Variants in KIF14 observed in about 807,000 individuals in gnomAD.
KIF14 encodes the protein kinesin-like protein KIF14.
KIF14 carries 98 observed loss-of-function variants against 176.2 expected under a neutral mutation model. That is an observed-to-expected ratio of 0.56 (90% CI 0.47 to 0.66). The LOEUF is 0.66. Among genes scored for constraint, KIF14 ranks in the 30% least tolerant of loss-of-function variants. KIF14 has a pLI of 0.00. For missense variants in KIF14, 1,751 were observed against 1,920.4 expected, an observed-to-expected ratio of 0.91 and a Z score of 1.65; for synonymous variants, 566 against 632.2, an observed-to-expected ratio of 0.90 and a Z score of 1.57.
intron 23 of KIF14, among the ~76,000 whole-genome samples, chr1:200,569,272 T>C (rs1445549927): frequency 6.6e-6 from 1 of 152,160 alleles, no homozygotes; most frequent in Non-Finnish European, 1.5e-5. Flanking sequence ...TAGTTACACA[T>C]ATAAAATTTA....
rs373405829 is a variant in KIF14, at chr1:200,601,960, G to A, written c.2088C>T (p.Asn696=). 2 of 1,613,540 alleles carry A rather than the reference G, an allele frequency of 1.2e-6. No homozygotes were observed. Among genetic ancestry groups the A allele is most frequent in the Non-Finnish European group, 1.7e-6 (2 of 1,179,726 alleles). ...CAATGTTGACTATTAAACGGGCTTG[G>A]TTAGCATATCTAAGTGTGCTTAATG... is the stretch of plus-strand genomic sequence containing the variant. ...EETLSTLRYA[N]QARLIVNIAK... is the part of the protein sequence containing the mutation. Residue 696 remains asparagine (N), a synonymous_variant, in exon 11 of 30, where the codon AAC becomes AAT. Transcript: ENST00000367350.
rs1247342500 is a variant in KIF14, at chr1:200,593,733, G to A, written c.2586C>T (p.Ile862=). Residue 862 remains isoleucine, a synonymous_variant, in exon 15 of 30, where the codon ATC becomes ATT. Transcript: ENST00000367350. ...CATATGTCTTTGCTTCCCCAACTGG[G>A]ATAATACTCACTGTCCCACCAAAAT... is the stretch of plus-strand genomic sequence containing the variant. ...IKNFGGTVSI[I]PVGEAKTYVN... is the part of the protein sequence containing the mutation. 1.4e-5 allele frequency: 23 copies of A among 1,612,542 alleles called. No homozygotes were observed. The highest frequency in any genetic ancestry group is 2.2e-5 in the South Asian group (2 of 91,056).
At position 200,572,644 on chromosome 1, in the gene KIF14, C is replaced by T. The variant is rs147077863; in HGVS notation, c.3567-2639G>A. On this transcript the variant is annotated intron_variant, in intron 22 of 29. Transcript: ENST00000367350. ...AAGCATGAGCCACTGCACCCAGCCC[C>T]GGTAGGCTAAACGTTTAATGCTCAT... 5.1e-3 allele frequency among the ~76,000 whole-genome samples: 770 copies of T among 152,186 alleles called. 11 individuals are homozygous for T. The highest frequency in any genetic ancestry group is 0.018 in the African/African-American group (749 of 41,534).
rs995551103 is a variant in KIF14, at chr1:200,618,792, A to G, written c.-69T>C. On this transcript the variant is annotated 5_prime_UTR_variant, in exon 2 of 30. Transcript: ENST00000367350. Reference sequence around the variant, plus strand: ...AAGCTCTTCTTTGGACATTCATTTGATTTCCAGCCATTTCTTATGTATCCA... The same window carrying G: ...AAGCTCTTCTTTGGACATTCATTTGGTTTCCAGCCATTTCTTATGTATCCA... 4.3e-5 allele frequency: 53 copies of G among 1,243,740 alleles called. No homozygotes were observed. The highest frequency in any genetic ancestry group is 5.8e-5 in the Non-Finnish European group (52 of 902,872). 77.0% of individuals were successfully genotyped at this position (1,243,740 alleles called of 1,614,324 possible).
intron 19 of KIF14, among the ~76,000 whole-genome samples, chr1:200,583,867 G>A (rs1246116902): frequency 6.6e-6 from 1 of 151,850 alleles, no homozygotes; most frequent in African/African-American, 2.4e-5. Context: ...GCTTGAGCCT[G>A]GGAGGCAGAG....
At position 200,590,135 on chromosome 1, in the gene KIF14, T is replaced by TC; in HGVS notation, c.2950dup (p.Glu984GlyfsTer18). The TC allele has an allele frequency of 6.2e-7, 1 of 1,607,938 alleles. No individual in the cohort carries two copies. Among genetic ancestry groups the TC allele is most frequent in the Non-Finnish European group, 8.5e-7 (1 of 1,178,858 alleles). On this transcript the variant is annotated frameshift_variant, in exon 17 of 30. Transcript: ENST00000367350. LOFTEE classifies it high-confidence loss of function. ...AATTCTGCCTTTTACCAGTTCTGCT[T>TC]CCAGTGCTTTTATTTTGCTTTCATA...
intron 8 of KIF14, among the ~76,000 whole-genome samples, chr1:200,604,841 C>A (rs890129855): frequency 1.3e-5 from 2 of 151,888 alleles, no homozygotes; most frequent in African/African-American, 2.4e-5. Flanking sequence ...TTTAAAAAAT[C>A]TTTTACTTTC....
At chr1:200,609,823 C>T (rs1170442664) in intron 4 of KIF14, among the ~76,000 whole-genome samples, 3 of 152,144 alleles carry the variant, frequency 2.0e-5, no homozygotes, top group Non-Finnish European at 4.4e-5. Context: ...AATGGATAAA[C>T]AAAACTGGCA....
intron 24 of KIF14, 59 bp from the exon 25 acceptor site, chr1:200,565,312 T>G (rs1657387377): frequency 6.7e-7 from 1 of 1,493,786 alleles, no homozygotes; most frequent in South Asian, 1.3e-5. Context: ...AGAACTCATA[T>G]ATGATCATCA....
chr1:200,618,272 G>A lies in KIF14; in HGVS notation c.452C>T (p.Thr151Ile). 1 of 1,613,652 alleles carries A rather than the reference G, an allele frequency of 6.2e-7. No homozygotes were observed. Among genetic ancestry groups the A allele is most frequent in the Non-Finnish European group, 8.5e-7 (1 of 1,179,982 alleles). ...TTCCTTAGAAACACCATTATTTTCT[G>A]TTTCACCTCCCACATTCAGTGTCAT... ...VKMTLNVGGE[T>I]ENNGVSKESR... The change falls in exon 2 of 30, where the codon ACA (threonine) becomes ATA (isoleucine). Residue 151 changes from threonine to isoleucine, a missense_variant. By Grantham distance (89) the Thr-to-Ile change is moderately conservative (BLOSUM62 -1). Transcript: ENST00000367350.
intron 3 of KIF14, 105 bp downstream of exon 3, chr1:200,615,250 G>T: frequency 8.2e-7 from 1 of 1,220,042 alleles, no homozygotes; most frequent in Non-Finnish European, 1.1e-6. Context: ...TTTGGGCCAA[G>T]ATCTGTGTGA....
chr1:200,553,513 A>ATTG lies in KIF14; in HGVS notation c.4819_4821dup (p.Gln1607dup). On this transcript the variant is annotated inframe_insertion, in exon 30 of 30. Transcript: ENST00000367350. ...CTGCCGTCAATCCCGCTTGATTTAG[A>ATTG]TTGTTGGTGTTCTTCTTTGGTATTT... 8 of 1,613,916 alleles carry ATTG rather than the reference A, an allele frequency of 5.0e-6. No homozygotes were observed. Among genetic ancestry groups the ATTG allele is most frequent in the Non-Finnish European group, 6.8e-6 (8 of 1,179,996 alleles).
Position 200,605,890 on chromosome 1 carries a change from T to C in KIF14, c.1612A>G (p.Ile538Val), listed in dbSNP as rs1659856683. 8 of 1,529,878 alleles carry C rather than the reference T, an allele frequency of 5.2e-6. No homozygotes were observed. Among genetic ancestry groups the C allele is most frequent in the Non-Finnish European group, 7.1e-6 (8 of 1,134,402 alleles). 94.8% of individuals were successfully genotyped at this position (1,529,878 alleles called of 1,614,324 possible). The change falls in exon 7 of 30, where the codon ATT (isoleucine) becomes GTT (valine). Residue 538 changes from isoleucine to valine, a missense_variant. Transcript: ENST00000367350. ...GPYVEALSMN[I>V]VSSYADIQSW... ...TGGATATCAGCGTAAGAACTGACAATGTTCCTATTTTTAAGAAGTGAAAAG... is the reference window on the plus strand; with the variant it reads ...TGGATATCAGCGTAAGAACTGACAACGTTCCTATTTTTAAGAAGTGAAAAG...
chr1:200,553,276 T>G lies in KIF14; in HGVS notation c.*112A>C. ...TTTTAAAGATAAAAAGACATGGACT[T>G]TTTTGAAATATCTGTGCTGATTTCT... On this transcript the variant is annotated 3_prime_UTR_variant, in exon 30 of 30. Coordinates refer to ENST00000367350, the MANE Select transcript of KIF14 (RefSeq NM_014875.3). The G allele has an allele frequency of 7.8e-6, 9 of 1,159,630 alleles. No individual in the cohort carries two copies. Among genetic ancestry groups the G allele is most frequent in the Non-Finnish European group, 1.1e-5 (9 of 835,346 alleles). 71.8% of individuals were successfully genotyped at this position (1,159,630 alleles called of 1,614,324 possible). A position where few individuals can be genotyped will look rare whatever the true frequency, so the allele number is the denominator to read the frequency against.
At chr1:200,600,626 T>C in intron 11 of KIF14, 123 bp from the exon 12 acceptor site, 1 of 680,974 alleles carries the variant, frequency 1.5e-6, no homozygotes, top group Non-Finnish European at 2.4e-6. Flanking sequence ...CTAAATAAAA[T>C]AGAATATTGG....
intron 19 of KIF14, among the ~76,000 whole-genome samples, chr1:200,584,051 G>A (rs1180145339): frequency 6.6e-6 from 1 of 151,852 alleles, no homozygotes; most frequent in Non-Finnish European, 1.5e-5. Flanking sequence ...AGACCATCCT[G>A]GCCAACATGG....
Position 200,575,673 on chromosome 1 carries a change from C to T in KIF14, c.3484G>A (p.Gly1162Ser), listed in dbSNP as rs755102888. The change falls in exon 22 of 30, where the codon GGT becomes AGT. Residue 1162 changes from glycine to serine, a missense_variant. Coordinates refer to ENST00000367350, the MANE Select transcript of KIF14 (RefSeq NM_014875.3). Reference protein sequence around the residue: ...ELYESNGSNRGEDAFCDPEDE... With the variant: ...ELYESNGSNRSEDAFCDPEDE... ...TCAGGATCACAAAAGGCATCTTCACCCCTGTTACTACCATTACTCTAAGAA... is the reference window on the plus strand; with the variant it reads ...TCAGGATCACAAAAGGCATCTTCACTCCTGTTACTACCATTACTCTAAGAA... 3.8e-6 allele frequency: 6 copies of T among 1,579,876 alleles called. No individual in the cohort carries two copies. In the South Asian group the frequency reaches 5.8e-5, roughly 15 times the overall value.
At chr1:200,591,886 C>T (rs993228567) in intron 16 of KIF14, among the ~76,000 whole-genome samples, 194 bp downstream of exon 16, 1 of 152,130 alleles carries the variant, frequency 6.6e-6, no homozygotes, top group Non-Finnish European at 1.5e-5. Flanking sequence ...ATATCTCCAG[C>T]ATTTGGTACA....
chr1:200,569,825 T>C, intron 23 of KIF14, 86 bp downstream of exon 23: 2 of 690,830 alleles, frequency 2.9e-6, no homozygotes, highest in Non-Finnish European at 4.8e-6. Context: ...AATGAAATGA[T>C]TTGCACACGG....
Sources: allele counts gnomAD v4.1 joint callset (sites outside exome capture counted in the v4.1 genomes callset), GRCh38; gene constraint gnomAD v4.1.1; transcripts MANE v1.5; gene names NCBI Gene and HGNC (gene_info 2026-07-23, HGNC 2026-07-21).